Variants in THYN1 observed in about 807,000 individuals in gnomAD.
THYN1 encodes thymocyte protein thy28.
THYN1 carries 32 observed loss-of-function variants against 30.6 expected under a neutral mutation model. That is an observed-to-expected ratio of 1.05 (90% CI 0.79 to 1.40). The LOEUF (loss-of-function observed/expected upper bound fraction) is 1.40. Among genes scored for constraint, THYN1 ranks in the 40% most tolerant of loss-of-function variants. The pLI, the probability that THYN1 is intolerant of heterozygous loss-of-function variation, is 0.00. For missense variants in THYN1, 259 were observed against 272.6 expected (o/e 0.95, Z 0.35); for synonymous variants, 107 against 90.8 (o/e 1.18, Z -1.01).
At position 134,253,171 on chromosome 11, in the gene THYN1, G is replaced by A; in HGVS notation, c.-289C>T. The A allele has an allele frequency of 7.5e-7, 1 of 1,339,668 alleles. No homozygotes were observed. The highest frequency in any genetic ancestry group is 1.9e-5 in the South Asian group (1 of 52,516). The allele number at this position is 1,339,668 out of a possible 1,614,324, so 83.0% of individuals were successfully genotyped here. On this transcript the variant is annotated 5_prime_UTR_variant, in exon 1 of 7. Transcript: ENST00000341541. ...CCTATCTCAGTATGTAGTTCACTGG[G>A]AAGTGGCTCCACAGAGACACTTTTG...
intron 3 of THYN1, 59 bp downstream of exon 3, chr11:134,250,216 G>A: frequency 1.3e-6 from 2 of 1,583,392 alleles, no homozygotes; most frequent in South Asian, 1.1e-5. Context: ...TACGTCATGA[G>A]GAGGAGGCAG....
chr11:134,250,262 C>CT lies in THYN1; in HGVS notation c.291+12dup. The CT allele has an allele frequency of 6.2e-7, 1 of 1,614,108 alleles. No individual in the cohort carries two copies. Among genetic ancestry groups the CT allele is most frequent in the South Asian group, 1.1e-5 (1 of 91,080 alleles). On this transcript the variant is annotated intron_variant, in intron 3 of 6. Coordinates refer to ENST00000341541, the MANE Select transcript of THYN1 (RefSeq NM_014174.3). ...CACCTGGGTCTCAGGCGACCTCCTC[C>CT]TTACCCTCTTACCTGGTAGTTACGA...
rs955597739 is a variant in THYN1 at position 134,253,343 on chromosome 11, C to G, written c.-461G>C. The G allele has an allele frequency of 2.8e-6, 4 of 1,409,550 alleles. No individual in the cohort carries two copies. Among genetic ancestry groups the G allele is most frequent in the South Asian group, 3.0e-5 (2 of 65,832 alleles). 87.3% of individuals were successfully genotyped at this position (1,409,550 alleles called of 1,614,324 possible). A position where few individuals can be genotyped will look rare whatever the true frequency, so the allele number is the denominator to read the frequency against. ...ACTGCGGTCCGCCTCCGCTGCGCCG[C>G]AGGCTGTGCAGCGCGACCCCCGCGG... On this transcript the variant is annotated 5_prime_UTR_variant, in exon 1 of 7. Transcript: ENST00000341541.
chr11:134,248,744 T>TA (rs1938902562), intron 6 of THYN1, 65 bp downstream of exon 6: 2 of 1,596,018 alleles, frequency 1.3e-6, no homozygotes, highest in South Asian at 2.2e-5. Flanking sequence ...TTTAATCAGC[T>TA]AGTAAGTGGG....
chr11:134,251,811 A>G (rs1939074423), intron 1 of THYN1: 1 of 152,508 alleles, frequency 6.6e-6, no homozygotes, highest in Non-Finnish European at 1.5e-5. Context: ...GAAGGTGCCA[A>G]TAAAAGTTGA....
chr11:134,252,897 G>A lies in THYN1; in HGVS notation c.-15C>T. On this transcript the variant is annotated 5_prime_UTR_variant, in exon 1 of 7. Transcript: ENST00000341541. ...GGTCTCGACATGGTCACGCTGCAGGGGACTTTAGTGCGGACGATTCTGGAA... is the reference window on the plus strand; with the variant it reads ...GGTCTCGACATGGTCACGCTGCAGGAGACTTTAGTGCGGACGATTCTGGAA... 5.1e-6 allele frequency: 8 copies of A among 1,582,046 alleles called. No individual in the cohort carries two copies. Among genetic ancestry groups the A allele is most frequent in the Non-Finnish European group, 6.8e-6 (8 of 1,169,038 alleles).
chr11:134,248,483 T>C lies in THYN1; in HGVS notation c.633A>G (p.Glu211=). 6.2e-7 allele frequency: 1 copy of C among 1,611,576 alleles called. No homozygotes were observed. The highest frequency in any genetic ancestry group is 8.5e-7 in the Non-Finnish European group (1 of 1,179,332). Residue 211 remains glutamate (E), a splice_region_variant and synonymous_variant, in exon 7 of 7, where the codon GAA becomes GAG. Transcript: ENST00000341541. ...QRLSIQPLTQ[E]EFDFVLSLEE... is the part of the protein sequence containing the mutation. ...CCAGGCTCAAAACAAAATCAAACTC[T>C]TCTACAAAAAAAAAAGGGAAAAAGG...
Position 134,253,119 on chromosome 11 carries a change from G to T in THYN1, c.-237C>A. ...CTGCCCCTAAACTCTTCTCGGTTCT[G>T]TCCTTGGTCCTTCTCATCCAGGAAC... is the stretch of plus-strand genomic sequence containing the variant. On this transcript the variant is annotated 5_prime_UTR_variant, in exon 1 of 7. Coordinates refer to ENST00000341541, the MANE Select transcript of THYN1 (RefSeq NM_014174.3). 1 of 1,362,208 alleles carries T rather than the reference G, an allele frequency of 7.3e-7. No individual in the cohort carries two copies. Among genetic ancestry groups the T allele is most frequent in the Non-Finnish European group, 9.4e-7 (1 of 1,063,254 alleles). The allele number at this position is 1,362,208 out of a possible 1,614,324, so 84.4% of individuals were successfully genotyped here. A position where few individuals can be genotyped will look rare whatever the true frequency, so the allele number is the denominator to read the frequency against.
In THYN1 at chr11:134,253,110, C is replaced by T. The variant is rs1031357900; in HGVS notation, c.-228G>A. On this transcript the variant is annotated 5_prime_UTR_variant, in exon 1 of 7. Coordinates refer to ENST00000341541, the MANE Select transcript of THYN1 (RefSeq NM_014174.3). Reference sequence around the variant, plus strand: ...TCGCATAACCTGCCCCTAAACTCTTCTCGGTTCTGTCCTTGGTCCTTCTCA... The same window carrying T: ...TCGCATAACCTGCCCCTAAACTCTTTTCGGTTCTGTCCTTGGTCCTTCTCA... The T allele has an allele frequency of 3.7e-5, 51 of 1,375,174 alleles. No homozygotes were observed. Among genetic ancestry groups the T allele is most frequent in the Non-Finnish European group, 4.4e-5 (47 of 1,070,562 alleles). 85.2% of individuals were successfully genotyped at this position (1,375,174 alleles called of 1,614,324 possible).
chr11:134,252,585 A>G (rs1424495622), intron 1 of THYN1, among the ~76,000 whole-genome samples: 3 of 152,154 alleles, frequency 2.0e-5, no homozygotes, highest in Non-Finnish European at 2.9e-5. Context: ...CAGGCGCTTT[A>G]TATTCTTTAG....
intron 1 of THYN1, 108 bp from the exon 2 acceptor site, chr11:134,251,416 T>C: frequency 8.1e-7 from 1 of 1,231,976 alleles, no homozygotes; most frequent in Non-Finnish European, 1.1e-6. Flanking sequence ...CATGGATCCA[T>C]TACCAGCTGT....
chr11:134,249,697 TC>T, intron 4 of THYN1, 130 bp downstream of exon 4: 1 of 876,106 alleles, frequency 1.1e-6, no homozygotes, highest in South Asian at 1.7e-5. Flanking sequence ...TTTTCCCTAT[TC>T]CTGTAAAAGG....
chr11:134,251,762 G>C (rs143993473), intron 1 of THYN1: 283 of 152,978 alleles, frequency 1.8e-3, no homozygotes, highest in Admixed American at 4.2e-3. Context: ...TTTCCTTCTT[G>C]CTCACTGTGG....
Position 134,251,168 on chromosome 11 carries a change from C to G in THYN1, c.184G>C (p.Glu62Gln), listed in dbSNP as rs1939030385. ...CCTTTCTCTAGGCGGCTCTCTGGCTCTGACTTCATCAGCCAGTGGCTGCTT... is the reference window on the plus strand; with the variant it reads ...CCTTTCTCTAGGCGGCTCTCTGGCTGTGACTTCATCAGCCAGTGGCTGCTT... ...NLSSHWLMKS[E>Q]PESRLEKGVD... is the part of the protein sequence containing the mutation. The change falls in exon 2 of 7, where the codon GAG becomes CAG. Residue 62 changes from glutamate (E) to glutamine (Q), a missense_variant. Coordinates refer to ENST00000341541, the MANE Select transcript of THYN1 (RefSeq NM_014174.3). 1 of 1,614,052 alleles carries G rather than the reference C, an allele frequency of 6.2e-7. No homozygotes were observed. The highest frequency in any genetic ancestry group is 8.5e-7 in the Non-Finnish European group (1 of 1,180,046).
At chr11:134,252,272 G>A (rs540277349) in intron 1 of THYN1, among the ~76,000 whole-genome samples, 2 of 152,096 alleles carry the variant, frequency 1.3e-5, no homozygotes, top group East Asian at 3.8e-4. Context: ...ACCACATATT[G>A]ATAAATAACT....
chr11:134,251,367 G>C (rs74446206), intron 1 of THYN1, 59 bp from the exon 2 acceptor site: 18,567 of 1,543,110 alleles, frequency 0.012, 158 homozygotes, highest in Middle Eastern at 0.02. Context: ...GTTTCATAAT[G>C]GAAAAAGCTT....
At chr11:134,251,096 C>A in intron 2 of THYN1, 34 bp downstream of exon 2, 1 of 1,563,534 alleles carries the variant, frequency 6.4e-7, no homozygotes, top group Non-Finnish European at 8.6e-7. Flanking sequence ...TAAAAAACAC[C>A]ATGAAGGGAC....
intron 2 of THYN1, 114 bp downstream of exon 2, chr11:134,251,016 C>T (rs1939022740): frequency 1.6e-6 from 2 of 1,213,950 alleles, no homozygotes; most frequent in Admixed American, 5.4e-5. Context: ...TCATTTTTAC[C>T]TTTTTCCTTC....
In THYN1 at chr11:134,251,219, C is replaced by T; in HGVS notation, c.133G>A (p.Ala45Thr). Reference protein sequence around the residue: ...VEDSNPQKTSATKNCLKNLSS... With the variant: ...VEDSNPQKTSTTKNCLKNLSS... ...AGATTCTTCAAACAGTTTTTAGTGGCTGAAGTCTTCTGAGGGTTGGAGTCC... is the reference window on the plus strand; with the variant it reads ...AGATTCTTCAAACAGTTTTTAGTGGTTGAAGTCTTCTGAGGGTTGGAGTCC... The change falls in exon 2 of 7, where the codon GCC (alanine) becomes ACC (threonine). Residue 45 changes from alanine (A) to threonine (T), a missense_variant. By Grantham distance (58) the Ala-to-Thr change is moderately conservative. Transcript: ENST00000341541. 5 of 1,614,230 alleles carry T rather than the reference C, an allele frequency of 3.1e-6. No homozygotes were observed. Among genetic ancestry groups the T allele is most frequent in the Non-Finnish European group, 4.2e-6 (5 of 1,180,046 alleles).
Sources: allele counts gnomAD v4.1 joint callset (sites outside exome capture counted in the v4.1 genomes callset), GRCh38; gene constraint gnomAD v4.1.1; transcripts MANE v1.5; gene names NCBI Gene and HGNC (gene_info 2026-07-23, HGNC 2026-07-21).